Variants in CHCHD3 observed in about 807,000 individuals in gnomAD.
The protein encoded by CHCHD3 is MICOS complex subunit MIC19.
CHCHD3 carries 20 observed loss-of-function variants against 38.2 expected under a neutral mutation model. The ratio of observed to expected loss-of-function variants is 0.52; its 90% CI spans 0.37 to 0.76. The LOEUF (loss-of-function observed/expected upper bound fraction) is 0.76, where lower values mean the gene tolerates loss of function less well. Among genes scored for constraint, CHCHD3 ranks in the 30% least tolerant of loss-of-function variants. The probability of loss-of-function intolerance (pLI) is 0.00; values close to 1 mark genes in which losing one functional copy is unlikely to be tolerated. For synonymous variants in CHCHD3, 82 were observed against 100.0 expected (o/e 0.82, Z 1.07); for missense variants, 245 against 279.2 (o/e 0.88, Z 0.87).
At chr7:132,883,376 TGA>T (rs1309428148) in intron 5 of CHCHD3, among the ~76,000 whole-genome samples, 1 of 152,094 alleles carries the variant, frequency 6.6e-6, no homozygotes, top group Non-Finnish European at 1.5e-5. Context: ...ATGAAACAAC[TGA>T]GAGGAAAAAT....
chr7:132,988,191 A>T (rs2088635430), intron 3 of CHCHD3, among the ~76,000 whole-genome samples: 3 of 152,040 alleles, frequency 2.0e-5, no homozygotes, highest in Admixed American at 6.6e-5. Context: ...TAAGAAACTT[A>T]CCCATAGTCA....
intron 3 of CHCHD3, among the ~76,000 whole-genome samples, chr7:133,015,506 TAACCAGTAGCACAA>T (rs1247274934): frequency 6.6e-6 from 1 of 152,142 alleles, no homozygotes; most frequent in Admixed American, 6.5e-5. Context: ...CTAGATCTAA[TAACCAGTAGCACAA>T]AACAGAGGTC....
intron 3 of CHCHD3, among the ~76,000 whole-genome samples, chr7:132,980,514 A>G (rs1389747145): frequency 2.0e-5 from 3 of 152,192 alleles, no homozygotes; most frequent in Non-Finnish European, 4.4e-5. Context: ...TAGAGTTTCA[A>G]GCAAAGAAGT....
intron 6 of CHCHD3, among the ~76,000 whole-genome samples, chr7:132,798,427 C>T (rs10236673): frequency 0.12 from 18,955 of 152,042 alleles, 1,275 homozygotes; most frequent in Middle Eastern, 0.18. Flanking sequence ...AGGAATCAGC[C>T]GTGCTTCAAA....
At chr7:132,881,912 C>G (rs1809068185) in intron 5 of CHCHD3, among the ~76,000 whole-genome samples, 1 of 152,134 alleles carries the variant, frequency 6.6e-6, no homozygotes, top group African/African-American at 2.4e-5. Context: ...ACCTAAATGT[C>G]TCTCACATAT....
intron 4 of CHCHD3, among the ~76,000 whole-genome samples, chr7:132,966,831 T>G (rs1318589133): frequency 6.6e-6 from 1 of 152,202 alleles, no homozygotes; most frequent in Non-Finnish European, 1.5e-5. Context: ...AACTTTTAAT[T>G]TGTTGCAGGT....
intron 2 of CHCHD3, among the ~76,000 whole-genome samples, chr7:133,025,177 T>TC (rs2117443471): frequency 6.6e-6 from 1 of 152,322 alleles, no homozygotes; most frequent in Non-Finnish European, 1.5e-5. Context: ...TCATTCAAAT[T>TC]CAAGTGCCAG....
intron 4 of CHCHD3, among the ~76,000 whole-genome samples, chr7:132,964,262 G>A (rs994152571): frequency 3.3e-5 from 5 of 151,982 alleles, no homozygotes; most frequent in African/African-American, 9.7e-5. Flanking sequence ...CTTACCTCCC[G>A]CACAAATGAA....
In CHCHD3 at chr7:132,827,279, T is replaced by C. The variant is rs144765692; in HGVS notation, c.524+11120A>G. On this transcript the variant is annotated intron_variant, in intron 6 of 7. Transcript: ENST00000262570. ...TTGGGAATGGAAGTGTTTTTGAATT[T>C]GGGTTCTGGAATTTGGAATATTTGC... is the stretch of plus-strand genomic sequence containing the variant. Among the ~76,000 whole-genome samples, 755 of 152,344 alleles carry C rather than the reference T, an allele frequency of 5.0e-3. 12 individuals are homozygous for C. Among genetic ancestry groups the C allele is most frequent in the African/African-American group, 0.014 (579 of 41,590 alleles).
At chr7:132,785,778 A>G in intron 7 of CHCHD3, 118 bp from the exon 8 acceptor site, 1 of 1,078,536 alleles carries the variant, frequency 9.3e-7, no homozygotes, top group Non-Finnish European at 1.4e-6. Context: ...AAAACACAGA[A>G]AACAAGGCAT....
intron 4 of CHCHD3, among the ~76,000 whole-genome samples, chr7:132,936,688 CATT>C (rs1810640107): frequency 6.6e-6 from 1 of 152,174 alleles, no homozygotes. Flanking sequence ...GGACAGCACT[CATT>C]ATTATTAAAC....
chr7:132,979,340 C>T (rs1187115544), intron 3 of CHCHD3, among the ~76,000 whole-genome samples: 2 of 152,120 alleles, frequency 1.3e-5, no homozygotes, highest in Non-Finnish European at 2.9e-5. Context: ...AAAAACTACA[C>T]ACTGGAATTC....
At chr7:132,830,882 T>C (rs192707950) in intron 6 of CHCHD3, 2 of 152,286 alleles carry the variant, frequency 1.3e-5, no homozygotes, top group East Asian at 3.9e-4. Flanking sequence ...ATCTAGAATT[T>C]TGCCTCTTCA....
At chr7:132,946,332 G>T (rs1354771794) in intron 4 of CHCHD3, among the ~76,000 whole-genome samples, 7 of 151,816 alleles carry the variant, frequency 4.6e-5, no homozygotes, top group African/African-American at 1.7e-4. Context: ...TAAGCACCAA[G>T]CAGTGCCTGG....
At chr7:133,081,783 A>C (rs937097017) in intron 1 of CHCHD3, 74 bp downstream of exon 1, 2 of 1,454,294 alleles carry the variant, frequency 1.4e-6, no homozygotes, top group Non-Finnish European at 9.4e-7. Context: ...ACCCAGGCTG[A>C]GCGGGTCCGG....
At chr7:133,046,299 C>T (rs1813980409) in intron 2 of CHCHD3, among the ~76,000 whole-genome samples, 1 of 152,104 alleles carries the variant, frequency 6.6e-6, no homozygotes, top group Non-Finnish European at 1.5e-5. Flanking sequence ...GTATGCATTT[C>T]CTTCAAATAT....
intron 6 of CHCHD3, among the ~76,000 whole-genome samples, chr7:132,813,876 C>A (rs1807136048): frequency 6.6e-6 from 1 of 152,194 alleles, no homozygotes; most frequent in Non-Finnish European, 1.5e-5. Context: ...GCATGGGGTA[C>A]ATAATGAACA....
chr7:132,830,847 C>G (rs1398735193), intron 6 of CHCHD3: 2 of 152,118 alleles, frequency 1.3e-5, no homozygotes, highest in Admixed American at 1.3e-4. Context: ...GGCTTGTGCA[C>G]AAAGGGTACA....
intron 5 of CHCHD3, among the ~76,000 whole-genome samples, chr7:132,855,483 T>C (rs1808323218): frequency 6.6e-6 from 1 of 152,188 alleles, no homozygotes; most frequent in South Asian, 2.1e-4. Flanking sequence ...AGATATGAAT[T>C]GGAGAAAGCT....
Sources: gnomAD v4.1 joint callset for allele counts (sites outside exome capture counted in the v4.1 genomes callset) on GRCh38, gnomAD v4.1.1 for gene constraint, MANE v1.5 for transcripts, NCBI Gene and HGNC (gene_info 2026-07-23, HGNC 2026-07-21) for gene names.